PAIP2B: variants seen among roughly 807,000 people sequenced by gnomAD.
PAIP2B encodes the protein poly(A) binding protein interacting protein 2B.
PAIP2B carries 13 observed loss-of-function variants against 17.0 expected under a neutral mutation model. That is an observed-to-expected ratio of 0.76 (90% CI 0.50 to 1.22). PAIP2B has a LOEUF of 1.22. Ranked by LOEUF, PAIP2B falls within the 50% of genes most tolerant of loss-of-function variation. The probability of loss-of-function intolerance (pLI) is 0.00; values close to 1 mark genes in which losing one functional copy is unlikely to be tolerated. For synonymous variants in PAIP2B, 43 were observed against 48.7 expected, an observed-to-expected ratio of 0.88 and a Z score of 0.48; for missense variants, 117 against 144.5, an observed-to-expected ratio of 0.81 and a Z score of 0.98.
At chr2:71,206,500 C>T (rs1675132034) in intron 1 of PAIP2B, among the ~76,000 whole-genome samples, 1 of 152,132 alleles carries the variant, frequency 6.6e-6, no homozygotes, top group Non-Finnish European at 1.5e-5. Context: ...TTTGAGTTGG[C>T]ACTATCATGG....
intron 2 of PAIP2B, among the ~76,000 whole-genome samples, chr2:71,194,919 T>G (rs1253556088): frequency 6.6e-6 from 1 of 152,226 alleles, no homozygotes; most frequent in African/African-American, 2.4e-5. Context: ...CCTAGTTTAT[T>G]GAGAGTTTTA....
intron 1 of PAIP2B, among the ~76,000 whole-genome samples, chr2:71,203,438 G>A (rs1432718537): frequency 6.6e-6 from 1 of 152,014 alleles, no homozygotes. Context: ...TCTTGGCATT[G>A]CCACACTACT....
chr2:71,202,362 C>A, intron 2 of PAIP2B, 90 bp downstream of exon 2: 2 of 1,486,946 alleles, frequency 1.3e-6, no homozygotes, highest in Middle Eastern at 1.8e-4. Flanking sequence ...TAACTGTATC[C>A]ATTTCTTTTG....
At chr2:71,188,682 A>C in intron 3 of PAIP2B, 147 bp from the exon 4 acceptor site, 9 of 688,794 alleles carry the variant, frequency 1.3e-5, no homozygotes, top group Non-Finnish European at 2.0e-5. Flanking sequence ...AGGTTATCTC[A>C]ACTGCACCTG....
At chr2:71,222,308 G>A (rs1228046950) in intron 1 of PAIP2B, among the ~76,000 whole-genome samples, 1 of 152,166 alleles carries the variant, frequency 6.6e-6, no homozygotes, top group African/African-American at 2.4e-5. Context: ...GGCCACAAGT[G>A]ACTGGACCAG....
chr2:71,193,727 A>C (rs899292408), intron 2 of PAIP2B, among the ~76,000 whole-genome samples: 4 of 151,898 alleles, frequency 2.6e-5, no homozygotes, highest in African/African-American at 9.7e-5. Flanking sequence ...GGTGGCAGGC[A>C]CCTGTAGTCC....
At chr2:71,222,143 G>C (rs1313259682) in intron 1 of PAIP2B, among the ~76,000 whole-genome samples, 1 of 152,160 alleles carries the variant, frequency 6.6e-6, no homozygotes, top group Admixed American at 6.5e-5. Context: ...CGAAGGTCTG[G>C]GGCTCCATTC....
chr2:71,207,342 G>A (rs1046791343), intron 1 of PAIP2B, among the ~76,000 whole-genome samples: 2 of 152,150 alleles, frequency 1.3e-5, no homozygotes, highest in South Asian at 4.1e-4. Context: ...GAATTTTCGG[G>A]AACTACAAGA....
intron 2 of PAIP2B, among the ~76,000 whole-genome samples, chr2:71,193,702 A>C (rs191841881): frequency 6.6e-6 from 1 of 152,192 alleles, no homozygotes; most frequent in African/African-American, 2.4e-5. Context: ...ATAATACAAA[A>C]AATTAGCCGG....
intron 1 of PAIP2B, among the ~76,000 whole-genome samples, chr2:71,205,512 A>T (rs908587364): frequency 1.3e-5 from 2 of 152,016 alleles, no homozygotes; most frequent in South Asian, 2.1e-4. Context: ...CAATAGGGAG[A>T]TTTTTGTTGG....
intron 2 of PAIP2B, 107 bp downstream of exon 2, chr2:71,202,345 C>A (rs1012983379): frequency 3.5e-6 from 5 of 1,411,374 alleles, no homozygotes; most frequent in Admixed American, 2.3e-5. Context: ...TTAAGTTATT[C>A]TAAAGCTAAC....
At chr2:71,190,402 C>T (rs35880057) in intron 2 of PAIP2B, among the ~76,000 whole-genome samples, 9,851 of 151,700 alleles carry the variant, frequency 0.065, 349 homozygotes, top group African/African-American at 0.088. Flanking sequence ...TCAGTCTGGG[C>T]GACAGAATGA....
chr2:71,209,149 G>GA (rs921751939), intron 1 of PAIP2B, among the ~76,000 whole-genome samples: 1 of 152,092 alleles, frequency 6.6e-6, no homozygotes, highest in Non-Finnish European at 1.5e-5. Flanking sequence ...GGTTTCCACG[G>GA]AAAAAATGAG....
In PAIP2B at chr2:71,186,070, T is replaced by C. The variant is rs1447125317; in HGVS notation, c.*2409A>G. 1 of 152,242 alleles carries C rather than the reference T, an allele frequency of 6.6e-6. No homozygotes were observed. Among genetic ancestry groups the C allele is most frequent in the Non-Finnish European group, 1.5e-5 (1 of 68,048 alleles). The allele number at this position is 152,242 out of a possible 1,614,324, so 9.4% of individuals were successfully genotyped here. On this transcript the variant is annotated 3_prime_UTR_variant, in exon 4 of 4. Transcript: ENST00000244221. ...AATTACCCCTTATAAATACAAGTCT[T>C]ACCATTAAAGGGTAAAGGTGTCCAG...
intron 2 of PAIP2B, among the ~76,000 whole-genome samples, chr2:71,193,491 C>T (rs905387544): frequency 1.3e-5 from 2 of 152,068 alleles, no homozygotes; most frequent in African/African-American, 2.4e-5. Flanking sequence ...TTGGTGTCTT[C>T]GCCATTAAAT....
intron 1 of PAIP2B, among the ~76,000 whole-genome samples, chr2:71,207,997 G>C (rs556125566): frequency 1.1e-4 from 17 of 152,284 alleles, no homozygotes; most frequent in African/African-American, 4.1e-4. Context: ...CCTAAATATA[G>C]GAAGTTGGAG....
At chr2:71,200,088 TG>T (rs1674940428) in intron 2 of PAIP2B, among the ~76,000 whole-genome samples, 2 of 152,262 alleles carry the variant, frequency 1.3e-5, no homozygotes, top group South Asian at 2.1e-4. Context: ...ACTCCGAGTT[TG>T]GGGGGTTGTA....
chr2:71,202,759 C>T (rs1226984366), intron 1 of PAIP2B, among the ~76,000 whole-genome samples, 159 bp from the exon 2 acceptor site: 2 of 152,118 alleles, frequency 1.3e-5, no homozygotes, highest in Non-Finnish European at 2.9e-5. Flanking sequence ...TAAAACCATC[C>T]ACATCCTGCA....
At chr2:71,191,484 T>A (rs1354942837) in intron 2 of PAIP2B, among the ~76,000 whole-genome samples, 1 of 152,190 alleles carries the variant, frequency 6.6e-6, no homozygotes, top group East Asian at 1.9e-4. Context: ...AACAGAAACA[T>A]GCTACGTGCA....
Sources: allele counts gnomAD v4.1 joint callset (sites outside exome capture counted in the v4.1 genomes callset), GRCh38; gene constraint gnomAD v4.1.1; transcripts MANE v1.5; gene names NCBI Gene and HGNC (gene_info 2026-07-23, HGNC 2026-07-21).